Variants in SEPTIN4 observed in about 807,000 individuals in gnomAD.
The protein encoded by SEPTIN4 is septin 4.
Under a neutral mutation model 107.1 loss-of-function variants are expected in SEPTIN4, and 52 were observed. The ratio of observed to expected loss-of-function variants is 0.49; its 90% confidence interval spans 0.39 to 0.61. The LOEUF (loss-of-function observed/expected upper bound fraction) is 0.61. Among genes scored for constraint, SEPTIN4 ranks in the 20% least tolerant of loss-of-function variants. SEPTIN4 has a pLI of 0.00. For missense variants in SEPTIN4, 1,048 were observed against 1,243.5 expected, an observed-to-expected ratio of 0.84 and a Z score of 2.36; for synonymous variants, 417 against 467.0, an observed-to-expected ratio of 0.89 and a Z score of 1.38.
intron 2 of SEPTIN4, chr17:58,540,967 T>C (rs941300093): frequency 7.9e-5 from 27 of 340,740 alleles, no homozygotes; most frequent in African/African-American, 4.9e-4. Flanking sequence ...AAACTGAGGC[T>C]TGGAGAGGTA....
intron 3 of SEPTIN4, chr17:58,532,188 G>A: frequency 3.6e-6 from 3 of 825,554 alleles, no homozygotes; most frequent in Non-Finnish European, 4.5e-6. Context: ...TGCCCAGCTG[G>A]GGGCCGGCCT....
Position 58,543,929 on chromosome 17 carries a change from C to T in SEPTIN4, c.258G>A (p.Arg86=), listed in dbSNP as rs756735252. The change falls in exon 1 of 14, where the codon CGG becomes CGA. Residue 86 remains arginine (R), a synonymous_variant. Transcript: ENST00000672673. Reference sequence around the variant, plus strand: ...CTGTTCTTGGTCCAGTCTCGGGTCCCCGAGGAGTGGGTACTGCATAGTGTC... The same window carrying T: ...CTGTTCTTGGTCCAGTCTCGGGTCCTCGAGGAGTGGGTACTGCATAGTGTC... The part of the protein sequence containing the change: ...GPGHYAVPTP[R]GPETGPRTES... The T allele has an allele frequency of 1.2e-6, 2 of 1,613,948 alleles. No homozygotes were observed. The highest frequency in any genetic ancestry group is 8.5e-7 in the Non-Finnish European group (1 of 1,179,960).
Position 58,543,670 on chromosome 17 carries a change from A to G in SEPTIN4, c.517T>C (p.Leu173=). 6.2e-7 allele frequency: 1 copy of G among 1,614,178 alleles called. No homozygotes were observed. The highest frequency in any genetic ancestry group is 8.5e-7 in the Non-Finnish European group (1 of 1,180,024). The change falls in exon 1 of 14, where the codon TTA becomes CTA. Residue 173 remains leucine (L), a synonymous_variant. Coordinates refer to ENST00000672673, the MANE Select transcript of SEPTIN4 (RefSeq NM_001368771.2). ...ACCTTGGATGGTGGGTCATCTTCTA[A>G]GATTTGTGATTGTAAGTTATTCTTC... is the stretch of plus-strand genomic sequence containing the variant. ...DQKNNLQSQI[L]EDDPPSKVQN...
chr17:58,536,698 T>A (rs2043725316), intron 3 of SEPTIN4, among the ~76,000 whole-genome samples: 1 of 152,210 alleles, frequency 6.6e-6, no homozygotes, highest in Admixed American at 6.5e-5. Flanking sequence ...CCTCCAGGCT[T>A]CATTCAGCCC....
chr17:58,532,859 G>A (rs1651783081), intron 3 of SEPTIN4, among the ~76,000 whole-genome samples: 2 of 152,226 alleles, frequency 1.3e-5, no homozygotes, highest in South Asian at 4.1e-4. Context: ...AAAGGTCAGA[G>A]CAGCAGCTAG....
chr17:58,531,964 G>A, intron 3 of SEPTIN4: 3 of 1,148,494 alleles, frequency 2.6e-6, no homozygotes, highest in Non-Finnish European at 3.2e-6. Context: ...GCCTTACCAT[G>A]GCTGCAGCCC....
At position 58,544,135 on chromosome 17, in the gene SEPTIN4, C is replaced by CT; in HGVS notation, c.51dup (p.Gly18ArgfsTer3). The CT allele has an allele frequency of 6.2e-7, 1 of 1,613,998 alleles. No homozygotes were observed. The highest frequency in any genetic ancestry group is 8.5e-7 in the Non-Finnish European group (1 of 1,179,956). On this transcript the variant is annotated frameshift_variant, in exon 1 of 14. Coordinates refer to ENST00000672673, the MANE Select transcript of SEPTIN4 (RefSeq NM_001368771.2). LOFTEE classifies it high-confidence loss of function. ...GATGTGTTAGTAGTAACCTCAGACC[C>CT]TCTCTGTGCTGAAACCGCTACCTTG... is the stretch of plus-strand genomic sequence containing the variant.
chr17:58,537,486 G>A (rs2043752639), intron 3 of SEPTIN4, among the ~76,000 whole-genome samples: 1 of 152,140 alleles, frequency 6.6e-6, no homozygotes. Flanking sequence ...ATCTGACAGG[G>A]TAAGATGCTT....
intron 4 of SEPTIN4, 97 bp downstream of exon 4, chr17:58,526,585 C>T: frequency 2.8e-6 from 4 of 1,453,464 alleles, no homozygotes; most frequent in Non-Finnish European, 3.6e-6. Flanking sequence ...CACACACACA[C>T]ACACACACAC....
intron 7 of SEPTIN4, among the ~76,000 whole-genome samples, chr17:58,522,654 C>CAAAA (rs1233539293): frequency 3.8e-5 from 2 of 52,602 alleles, no homozygotes; most frequent in African/African-American, 6.5e-5. Context: ...CAGACTGTCA[C>CAAAA]AAAAAAAAAA....
At chr17:58,540,998 C>T (rs1016900808) in intron 2 of SEPTIN4, among the ~76,000 whole-genome samples, 7 of 152,172 alleles carry the variant, frequency 4.6e-5, no homozygotes, top group Admixed American at 2.6e-4. Context: ...CCCAAGGTCA[C>T]AGTCAGAAAA....
In SEPTIN4 at chr17:58,544,006, G is replaced by A. The variant is rs754781166; in HGVS notation, c.181C>T (p.Pro61Ser). 2 of 1,614,060 alleles carry A rather than the reference G, an allele frequency of 1.2e-6. No individual in the cohort carries two copies. Among genetic ancestry groups the A allele is most frequent in the Non-Finnish European group, 1.7e-6 (2 of 1,179,956 alleles). Reference sequence around the variant, plus strand: ...CGAGGGTAGTCTGATGCTGAATGGGGAGTGGTGGGATGTGCAGCTTCTGAT... The same window carrying A: ...CGAGGGTAGTCTGATGCTGAATGGGAAGTGGTGGGATGTGCAGCTTCTGAT... ...RRSEAAHPTT[P>S]HSASDYPRSV... The change falls in exon 1 of 14, where the codon CCC (proline) becomes TCC (serine). Residue 61 changes from proline (P) to serine (S), a missense_variant. By Grantham distance (74) the Pro-to-Ser change is moderately conservative (BLOSUM62 -1). This residue lies in a region of SEPTIN4 where 787 missense variants were observed against 871.8 expected (regional missense o/e 0.90). Transcript: ENST00000672673.
rs2043945581 is a variant in SEPTIN4 at position 58,543,628 on chromosome 17, C to T, written c.559G>A (p.Val187Ile). The part of the protein sequence containing the change: ...PPSKVQNPQG[V>I]RVPRRILSYP... ...GACAAAATCCTACGGGGAACTCTGA[C>T]TCCTTGGGGGTTCTGGACCTTGGAT... Residue 187 changes from valine to isoleucine, a missense_variant, in exon 1 of 14, where the codon GTC becomes ATC. This residue lies in a region of SEPTIN4 where 787 missense variants were observed against 871.8 expected (regional missense o/e 0.90). Transcript: ENST00000672673. 6.2e-7 allele frequency: 1 copy of T among 1,614,114 alleles called. No individual in the cohort carries two copies. Among genetic ancestry groups the T allele is most frequent in the African/African-American group, 1.3e-5 (1 of 74,932 alleles).
At position 58,521,317 on chromosome 17, in the gene SEPTIN4, T is replaced by C. The variant is rs746579825; in HGVS notation, c.2605A>G (p.Thr869Ala). 1.9e-6 allele frequency: 3 copies of C among 1,614,174 alleles called. No individual in the cohort carries two copies. The highest frequency in any genetic ancestry group is 1.1e-5 in the South Asian group (1 of 91,084). Residue 869 changes from threonine (T) to alanine (A), a missense_variant, in exon 11 of 14, where the codon ACT (threonine) becomes GCT (alanine). By Grantham distance (58) the Thr-to-Ala change is moderately conservative (BLOSUM62 0). Transcript: ENST00000672673. This position sits in a 1 kb window ranked among gnomAD's most constrained non-coding sequence, Gnocchi z 6.4. ...CGCCGCCCTCTGGCCTCTACTACAG[T>C]GTTGCTGCCAATTACTGCAAATGGG... ...SIPFAVIGSNTVVEARGRRVR... is the reference protein window; with the variant it reads ...SIPFAVIGSNAVVEARGRRVR...
chr17:58,537,943 G>A (rs1223671533), intron 3 of SEPTIN4, among the ~76,000 whole-genome samples: 1 of 151,366 alleles, frequency 6.6e-6, no homozygotes, highest in African/African-American at 2.4e-5. Flanking sequence ...CAAAGCAAGA[G>A]AAATGCCGGG....
intron 1 of SEPTIN4, among the ~76,000 whole-genome samples, chr17:58,542,399 A>G (rs1567978698): frequency 6.6e-6 from 1 of 152,208 alleles, no homozygotes; most frequent in Non-Finnish European, 1.5e-5. Context: ...TGGAGGAGTC[A>G]ATGCCTGTCG....
intron 7 of SEPTIN4, among the ~76,000 whole-genome samples, chr17:58,523,013 T>C (rs2042439247): frequency 6.6e-6 from 1 of 152,228 alleles, no homozygotes; most frequent in African/African-American, 2.4e-5. Flanking sequence ...CAGGTGGACA[T>C]TATGCATTAT....
At chr17:58,523,104 G>C (rs1224715297) in intron 7 of SEPTIN4, among the ~76,000 whole-genome samples, 3 of 152,152 alleles carry the variant, frequency 2.0e-5, no homozygotes. Context: ...AGGTGTGGTA[G>C]TTCACGCCTG....
chr17:58,537,260 T>C (rs1248609905), intron 3 of SEPTIN4, among the ~76,000 whole-genome samples: 1 of 152,190 alleles, frequency 6.6e-6, no homozygotes, highest in Non-Finnish European at 1.5e-5. Flanking sequence ...CACCACAGCT[T>C]GTATTAGGTG....
Sources: gnomAD v4.1 joint callset for allele counts (sites outside exome capture counted in the v4.1 genomes callset) on GRCh38, gnomAD v4.1.1 for gene constraint, gnomAD v4.1.1 regional missense constraint, Gnocchi (gnomAD v3.1) non-coding constraint, MANE v1.5 for transcripts, NCBI Gene and HGNC (gene_info 2026-07-23, HGNC 2026-07-21) for gene names.